Variants in PRTFDC1 observed in about 807,000 individuals in gnomAD.
PRTFDC1 encodes phosphoribosyltransferase domain-containing protein 1.
Under a neutral mutation model 34.6 loss-of-function variants are expected in PRTFDC1, and 38 were observed. The observed-to-expected ratio is 1.10, with a 90% CI of 0.85 to 1.44. The LOEUF is 1.44. Among genes scored for constraint, PRTFDC1 ranks in the 40% most tolerant of loss-of-function variants. PRTFDC1 has a pLI of 0.00. For synonymous variants in PRTFDC1, 93 were observed against 98.1 expected (o/e 0.95, Z 0.31); for missense variants, 270 against 283.0 (o/e 0.95, Z 0.33).
At chr10:24,866,949 T>C (rs1847790582) in intron 4 of PRTFDC1, among the ~76,000 whole-genome samples, 1 of 146,358 alleles carries the variant, frequency 6.8e-6, no homozygotes, top group Non-Finnish European at 1.5e-5. Context: ...AGAAAGGTAG[T>C]TTCTCGGGGT....
In PRTFDC1 at chr10:24,872,046, A is replaced by G. The variant is rs142405158; in HGVS notation, c.357T>C (p.Gly119=). The G allele has an allele frequency of 2.4e-4, 383 of 1,610,236 alleles. No homozygotes were observed. The Middle Eastern group carries it at 3.8e-3, about 16-fold the overall frequency. Residue 119 remains glycine, a synonymous_variant, in exon 4 of 9, where the codon GGT becomes GGC. Coordinates refer to ENST00000320152, the MANE Select transcript of PRTFDC1 (RefSeq NM_020200.7). ...LKSYRNDQSM[G]EMQIIGGDDL... is the part of the protein sequence containing the mutation. ...CATCGCCTCCGATTATCTGCATCTC[A>G]CCCATGGACTGGTCATTCTGCAAAA... is the stretch of plus-strand genomic sequence containing the variant.
chr10:24,856,813 G>T, intron 6 of PRTFDC1, 100 bp downstream of exon 6: 2 of 1,106,774 alleles, frequency 1.8e-6, no homozygotes. Context: ...TCACTAGTTT[G>T]GAATATATTA....
At chr10:24,917,350 A>G (rs1313252484) in intron 3 of PRTFDC1, among the ~76,000 whole-genome samples, 3 of 152,176 alleles carry the variant, frequency 2.0e-5, no homozygotes, top group African/African-American at 7.2e-5. Flanking sequence ...GTTGTTGGAT[A>G]GAAAAAGCAA....
At chr10:24,935,640 G>A (rs1040674557) in intron 3 of PRTFDC1, among the ~76,000 whole-genome samples, 2 of 152,162 alleles carry the variant, frequency 1.3e-5, no homozygotes, top group Non-Finnish European at 2.9e-5. Flanking sequence ...GTGGGAATTC[G>A]CACCAAAGAT....
chr10:24,904,062 T>C (rs1848493354), intron 3 of PRTFDC1, among the ~76,000 whole-genome samples: 1 of 152,138 alleles, frequency 6.6e-6, no homozygotes. Context: ...CTTCTTGGCC[T>C]TGTTCTATTC....
chr10:24,872,417 G>A (rs1847886549), intron 3 of PRTFDC1, among the ~76,000 whole-genome samples: 1 of 152,084 alleles, frequency 6.6e-6, no homozygotes, highest in African/African-American at 2.4e-5. Flanking sequence ...TTGCCTAGCT[G>A]GGGGTGGACT....
chr10:24,875,634 A>G (rs1232250449), intron 3 of PRTFDC1, among the ~76,000 whole-genome samples: 1 of 152,010 alleles, frequency 6.6e-6, no homozygotes, highest in Non-Finnish European at 1.5e-5. Context: ...TATATTGTCA[A>G]TTGTTCCAAT....
Position 24,916,619 on chromosome 10 carries a change from G to A in PRTFDC1, c.339+20565C>T, listed in dbSNP as rs995456476. 1.8e-4 allele frequency among the ~76,000 whole-genome samples: 27 copies of A among 152,100 alleles called. 1 individual carries two copies. Among genetic ancestry groups the A allele is most frequent in the African/African-American group, 6.3e-4 (26 of 41,412 alleles). On this transcript the variant is annotated intron_variant, in intron 3 of 8. Coordinates refer to ENST00000320152, the MANE Select transcript of PRTFDC1 (RefSeq NM_020200.7). The stretch of plus-strand genomic sequence containing the variant: ...TGGGACTGACTTCCCCTGTCTGCAT[G>A]GGGAGCCTTTGTTTCTTTCAAGTCT...
At chr10:24,875,035 G>C (rs750127927) in intron 3 of PRTFDC1, among the ~76,000 whole-genome samples, 19 of 152,120 alleles carry the variant, frequency 1.2e-4, no homozygotes, top group Non-Finnish European at 2.4e-4. Flanking sequence ...CATGATTGTA[G>C]GTTTCCGGAG....
At chr10:24,937,887 G>T (rs1278898159) in intron 2 of PRTFDC1, among the ~76,000 whole-genome samples, 4 of 151,820 alleles carry the variant, frequency 2.6e-5, no homozygotes, top group Non-Finnish European at 4.4e-5. Flanking sequence ...GAAGACACAC[G>T]ATCATAAAAA....
intron 4 of PRTFDC1, chr10:24,867,713 G>A (rs2484650): frequency 0.46 from 69,569 of 151,540 alleles, 16,320 homozygotes; most frequent in Middle Eastern, 0.51. Flanking sequence ...CTTCAAAGCC[G>A]TCACCTATTT....
chr10:24,856,213 G>T (rs1847573178), intron 6 of PRTFDC1, among the ~76,000 whole-genome samples: 2 of 150,330 alleles, frequency 1.3e-5, no homozygotes, highest in Admixed American at 1.3e-4. Context: ...AGGCTGCAGT[G>T]AGTTATGATC....
chr10:24,901,644 G>T (rs974710196), intron 3 of PRTFDC1, among the ~76,000 whole-genome samples: 21 of 152,070 alleles, frequency 1.4e-4, no homozygotes, highest in Non-Finnish European at 2.5e-4. Flanking sequence ...CGAAAGGATC[G>T]CTTGAGCCTG....
chr10:24,922,363 C>A (rs7074097), intron 3 of PRTFDC1, among the ~76,000 whole-genome samples: 1 of 152,042 alleles, frequency 6.6e-6, no homozygotes, highest in Non-Finnish European at 1.5e-5. Context: ...AACTGATTAC[C>A]GCATTGATAT....
At position 24,849,618 on chromosome 10, in the gene PRTFDC1, T is replaced by G; in HGVS notation, c.*226A>C. On this transcript the variant is annotated 3_prime_UTR_variant, in exon 9 of 9. Coordinates refer to ENST00000320152, the MANE Select transcript of PRTFDC1 (RefSeq NM_020200.7). ...AGCATTGCTGAGTCACAAGGCGGAG[T>G]GTTTAATTTGGAACAAGTCAAATAA... is the stretch of plus-strand genomic sequence containing the variant. The G allele has an allele frequency of 2.1e-6, 1 of 476,522 alleles. No homozygotes were observed. Among genetic ancestry groups the G allele is most frequent in the Admixed American group, 3.6e-5 (1 of 27,404 alleles). The allele number at this position is 476,522 out of a possible 1,614,324, so 29.5% of individuals were successfully genotyped here.
At chr10:24,854,744 T>G (rs1386646983) in intron 7 of PRTFDC1, among the ~76,000 whole-genome samples, 2 of 152,212 alleles carry the variant, frequency 1.3e-5, no homozygotes, top group Admixed American at 1.3e-4. Context: ...TAGAGATACC[T>G]GCTCTGCTAA....
chr10:24,867,301 T>C (rs1313547830), intron 4 of PRTFDC1, among the ~76,000 whole-genome samples: 4 of 152,202 alleles, frequency 2.6e-5, no homozygotes, highest in African/African-American at 9.6e-5. Context: ...CCACGATTCC[T>C]TCTCTTCCAC....
intron 3 of PRTFDC1, among the ~76,000 whole-genome samples, chr10:24,926,072 G>A (rs76146926): frequency 0.18 from 26,913 of 152,070 alleles, 3,419 homozygotes; most frequent in African/African-American, 0.36. Context: ...ACCTCCTAGG[G>A]ACTGGAGTCC....
intron 3 of PRTFDC1, among the ~76,000 whole-genome samples, chr10:24,924,708 A>G (rs1848843848): frequency 6.6e-6 from 1 of 152,226 alleles, no homozygotes; most frequent in South Asian, 2.1e-4. Flanking sequence ...CAACAGACAC[A>G]TGAAAAAAAA....
Sources: gnomAD v4.1 joint callset for allele counts (sites outside exome capture counted in the v4.1 genomes callset) on GRCh38, gnomAD v4.1.1 for gene constraint, MANE v1.5 for transcripts, NCBI Gene and HGNC (gene_info 2026-07-23, HGNC 2026-07-21) for gene names.